PLEKHH1: variants seen among roughly 807,000 people sequenced by gnomAD.
PLEKHH1 encodes the protein pleckstrin homology, MyTH4 and FERM domain containing H1.
A neutral mutation model predicts 160.0 loss-of-function variants in PLEKHH1; 104 were observed. The ratio of observed to expected loss-of-function variants is 0.65; its 90% confidence interval spans 0.55 to 0.76. PLEKHH1 has a LOEUF of 0.76. PLEKHH1 is among the 30% of genes least tolerant of loss of function. PLEKHH1 has a pLI of 0.00. For missense variants in PLEKHH1, 1,427 were observed against 1,724.1 expected, an observed-to-expected ratio of 0.83 and a Z score of 3.05; for synonymous variants, 619 against 678.4, an observed-to-expected ratio of 0.91 and a Z score of 1.36.
At chr14:67,536,728 C>A (rs185803086) in intron 1 of PLEKHH1, among the ~76,000 whole-genome samples, 155 of 152,024 alleles carry the variant, frequency 1.0e-3, no homozygotes, top group Non-Finnish European at 1.5e-3. Context: ...ACAGGACTCA[C>A]TTAAAAGTTG....
chr14:67,586,484 C>T (rs1157554814), intron 28 of PLEKHH1: 7 of 1,107,094 alleles, frequency 6.3e-6, no homozygotes, highest in Non-Finnish European at 8.5e-6. Context: ...CTGGGTTCTG[C>T]TGACCCAACA....
In PLEKHH1 at chr14:67,579,799, T is replaced by A. The variant is rs1309092831; in HGVS notation, c.3106T>A (p.Ser1036Thr). Residue 1036 changes from serine to threonine, a missense_variant, in exon 22 of 29, where the codon TCC becomes ACC. Ser to Thr is a moderately conservative substitution (Grantham distance 58). Around this residue, in one of 6 missense-constraint regions of PLEKHH1, gnomAD observed 436 missense variants for 607.5 expected, o/e 0.72. Coordinates refer to ENST00000329153, the MANE Select transcript of PLEKHH1 (RefSeq NM_020715.3). ...LNQEIGMRKP[S>T]HSGFALFTDD... The stretch of plus-strand genomic sequence containing the variant: ...CCAGGAGATAGGCATGAGAAAGCCA[T>A]CCCACTCTGGCTTTGCCCTCTTCAC... 6.8e-6 allele frequency: 11 copies of A among 1,611,030 alleles called. No individual in the cohort carries two copies. The highest frequency in any genetic ancestry group is 1.7e-5 in the Admixed American group (1 of 59,728).
intron 22 of PLEKHH1, among the ~76,000 whole-genome samples, chr14:67,580,569 G>C (rs1238408374): frequency 6.6e-6 from 1 of 152,238 alleles, no homozygotes; most frequent in East Asian, 1.9e-4. Flanking sequence ...CATCTGTGAG[G>C]CTTTGTTACA....
intron 2 of PLEKHH1, among the ~76,000 whole-genome samples, chr14:67,546,257 A>T (rs2034174519): frequency 6.6e-6 from 1 of 152,224 alleles, no homozygotes; most frequent in African/African-American, 2.4e-5. Context: ...GTCATGGTCC[A>T]TTTCTTAAAG....
At chr14:67,561,305 C>T (rs937861233) in intron 5 of PLEKHH1, among the ~76,000 whole-genome samples, 6 of 152,234 alleles carry the variant, frequency 3.9e-5, no homozygotes, top group African/African-American at 9.7e-5. Context: ...CCCAGCAGCA[C>T]TTTGGGAGAC....
intron 28 of PLEKHH1, chr14:67,586,653 G>T: frequency 4.4e-6 from 2 of 456,076 alleles, no homozygotes; most frequent in Non-Finnish European, 7.4e-6. Context: ...CTGATTTATT[G>T]TTCCTGACTC....
intron 2 of PLEKHH1, among the ~76,000 whole-genome samples, chr14:67,547,437 G>A (rs2034225022): frequency 1.3e-5 from 2 of 152,184 alleles, no homozygotes; most frequent in Non-Finnish European, 2.9e-5. Flanking sequence ...GTTATAGATC[G>A]CAGGAAGAGA....
intron 4 of PLEKHH1, among the ~76,000 whole-genome samples, chr14:67,559,172 C>T (rs1035995413): frequency 1.1e-4 from 17 of 152,190 alleles, no homozygotes; most frequent in Non-Finnish European, 2.4e-4. Context: ...ATGGAAATAC[C>T]TCAGTTATCT....
chr14:67,586,167 C>T, intron 28 of PLEKHH1, 70 bp downstream of exon 28: 2 of 1,544,488 alleles, frequency 1.3e-6, no homozygotes, highest in South Asian at 1.1e-5. Context: ...AGAAAGGAAA[C>T]TGGGGTTATG....
At position 67,585,558 on chromosome 14, in the gene PLEKHH1, GT is replaced by G; in HGVS notation, c.3700-7del. ...TGGATATATCTGATGGGTTGTTTCT[GT>G]TTCCCCAGCCTGCCCAGCTGTCTTC... On this transcript the variant is annotated splice_polypyrimidine_tract_variant and intron_variant, in intron 26 of 28. Transcript: ENST00000329153. The G allele has an allele frequency of 6.4e-7, 1 of 1,563,932 alleles. No homozygotes were observed. Among genetic ancestry groups the G allele is most frequent in the Admixed American group, 1.9e-5 (1 of 53,966 alleles).
At position 67,555,910 on chromosome 14, in the gene PLEKHH1, G is replaced by A. The variant is rs748114718; in HGVS notation, c.189+23G>A. 42 of 1,611,172 alleles carry A rather than the reference G, an allele frequency of 2.6e-5. 2 individuals are homozygous for A. The South Asian group carries it at 3.4e-4, about 13-fold the overall frequency. ...CAGGTAACCAGGGGAGGGGATCGGC[G>A]GGAATATGCAGGGGAATGACCGTCG... On this transcript the variant is annotated intron_variant, in intron 3 of 28. Transcript: ENST00000329153.
intron 2 of PLEKHH1, 115 bp from the exon 3 acceptor site, chr14:67,555,710 G>T: frequency 6.9e-7 from 1 of 1,458,200 alleles, no homozygotes; most frequent in Non-Finnish European, 9.3e-7. Context: ...CTTGAGATGG[G>T]CACTTGAAGT....
intron 2 of PLEKHH1, among the ~76,000 whole-genome samples, chr14:67,554,754 G>A (rs1271764542): frequency 6.6e-6 from 1 of 152,160 alleles, no homozygotes; most frequent in South Asian, 2.1e-4. Context: ...GGGCTCGTGA[G>A]CAGCTCTTTA....
rs1437588268 is a variant in PLEKHH1, at chr14:67,562,834, G to A, written c.1203G>A (p.Leu401=). ...RESPKALGAE[L]EEVELGNKPP... ...GCCCAAAGGCCCTTGGAGCTGAGCT[G>A]GAGGAAGTGGAGCTGGGTAACAAGC... The change falls in exon 7 of 29, where the codon CTG becomes CTA. Residue 401 remains leucine (L), a synonymous_variant. Transcript: ENST00000329153. 6.2e-7 allele frequency: 1 copy of A among 1,613,570 alleles called. No individual in the cohort carries two copies. The highest frequency in any genetic ancestry group is 1.3e-5 in the African/African-American group (1 of 74,928).
rs760389510 is a variant in PLEKHH1 at position 67,562,362 on chromosome 14, T to C, written c.731T>C (p.Val244Ala). 1.2e-6 allele frequency: 2 copies of C among 1,613,612 alleles called. No homozygotes were observed. The highest frequency in any genetic ancestry group is 4.5e-5 in the East Asian group (2 of 44,872). Reference protein sequence around the residue: ...SPLEDSSSSTVHSGETVEAKP... With the variant: ...SPLEDSSSSTAHSGETVEAKP... Reference sequence around the variant, plus strand: ...TTGGAGGATTCTAGTTCCAGCACGGTCCATTCTGGGGAAACAGTAGAGGCC... The same window carrying C: ...TTGGAGGATTCTAGTTCCAGCACGGCCCATTCTGGGGAAACAGTAGAGGCC... The change falls in exon 7 of 29, where the codon GTC becomes GCC. Residue 244 changes from valine (V) to alanine (A), a missense_variant. Around this residue, in one of 6 missense-constraint regions of PLEKHH1, gnomAD observed 831 missense variants for 929.2 expected, o/e 0.89. Coordinates refer to ENST00000329153, the MANE Select transcript of PLEKHH1 (RefSeq NM_020715.3).
At chr14:67,585,805 C>A in intron 27 of PLEKHH1, 146 bp from the exon 28 acceptor site, 1 of 1,033,794 alleles carries the variant, frequency 9.7e-7, no homozygotes, top group Non-Finnish European at 1.5e-6. Context: ...CTAGACACTG[C>A]TTGTAGATAT....
chr14:67,586,391 T>G (rs888187574), intron 28 of PLEKHH1: 2 of 1,363,844 alleles, frequency 1.5e-6, no homozygotes, highest in Non-Finnish European at 1.9e-6. Context: ...CAGTCCTCAG[T>G]TGGGTGCTTA....
chr14:67,587,291 A>G lies in PLEKHH1; in HGVS notation c.*56A>G, dbSNP rs1045857322. On this transcript the variant is annotated 3_prime_UTR_variant, in exon 29 of 29. Transcript: ENST00000329153. Reference sequence around the variant, plus strand: ...CTAGTGCCTCTGGATTTAGAGATATATATCCTAGGGTATGATACTACTGTG... The same window carrying G: ...CTAGTGCCTCTGGATTTAGAGATATGTATCCTAGGGTATGATACTACTGTG... 2.5e-6 allele frequency: 4 copies of G among 1,595,592 alleles called. No individual in the cohort carries two copies. Among genetic ancestry groups the G allele is most frequent in the Non-Finnish European group, 3.4e-6 (4 of 1,163,288 alleles).
rs201225859 is a variant in PLEKHH1, at chr14:67,579,195, G to A, written c.2911G>A (p.Gly971Arg). 878 of 1,610,144 alleles carry A rather than the reference G, an allele frequency of 5.5e-4. No individual in the cohort carries two copies. The highest frequency in any genetic ancestry group is 6.4e-4 in the Non-Finnish European group (751 of 1,178,612). ...QRAVERTLRTGEREARPSRME... is the reference protein window; with the variant it reads ...QRAVERTLRTREREARPSRME... ...GGCAGTGGAGCGGACCCTGCGGACC[G>A]GGGAGCGGGAAGCCAGGCCATCGCG... The change falls in exon 21 of 29, where the codon GGG (glycine) becomes AGG (arginine). Residue 971 changes from glycine to arginine, a missense_variant. Transcript: ENST00000329153.
Sources: gnomAD v4.1 joint callset for allele counts (sites outside exome capture counted in the v4.1 genomes callset) on GRCh38, gnomAD v4.1.1 for gene constraint, gnomAD v4.1.1 regional missense constraint, MANE v1.5 for transcripts, NCBI Gene and HGNC (gene_info 2026-07-23, HGNC 2026-07-21) for gene names.